Variants in SVIL observed in about 807,000 individuals in gnomAD.
SVIL encodes the protein supervillin, also known as archvillin.
In SVIL, 101 loss-of-function variants were observed where a neutral mutation model predicts 240.4. The observed-to-expected ratio is 0.42, with a 90% CI of 0.36 to 0.50. The LOEUF (loss-of-function observed/expected upper bound fraction) is 0.50. Among genes scored for constraint, SVIL ranks in the 20% least tolerant of loss-of-function variants. The pLI is 0.01. For synonymous variants in SVIL, 999 were observed against 1,100.0 expected (o/e 0.91, Z 1.82); for missense variants, 2,512 against 2,818.7 (o/e 0.89, Z 2.46).
At chr10:29,519,889 C>G (rs117653220) in intron 16 of SVIL, among the ~76,000 whole-genome samples, 6 of 152,204 alleles carry the variant, frequency 3.9e-5, no homozygotes, top group Non-Finnish European at 8.8e-5. Context: ...TCTGAATACA[C>G]TTCCGGGCTG....
At position 29,686,275 on chromosome 10, in the gene SVIL, C is replaced by T. The variant is rs780358378; in HGVS notation, c.-301+278G>A. Among the ~76,000 whole-genome samples, 3 of 152,148 alleles carry T rather than the reference C, an allele frequency of 2.0e-5. No homozygotes were observed. The East Asian group carries it at 5.8e-4, about 29-fold the overall frequency. ...ATAAATGTGAGGCTGTCACACAGAA[C>T]AAGCTGGGAATCAGGCCCAGGAACA... On this transcript the variant is annotated intron_variant, in intron 2 of 35. Coordinates refer to the SVIL transcript ENST00000375400.
In SVIL at chr10:29,480,570, C is replaced by T; in HGVS notation, c.5344G>A (p.Val1782Met). ...CTCACCATGAACTTCCACTTGACCA[C>T]ATAGGCATCCCCCTCATGGAACTGC... is the stretch of plus-strand genomic sequence containing the variant. ...IGQFHEGDAY[V>M]VKWKFMVSTA... The change falls in exon 29 of 38, where the codon GTG becomes ATG. Residue 1782 changes from valine to methionine, a missense_variant. Physicochemically the swap from Val to Met is conservative, Grantham distance 21 (BLOSUM62 1). Around this residue, in one of 3 missense-constraint regions of SVIL, gnomAD observed 797 missense variants for 925.3 expected, o/e 0.86. Transcript: ENST00000355867. 1 of 1,613,728 alleles carries T rather than the reference C, an allele frequency of 6.2e-7. No individual in the cohort carries two copies. Among genetic ancestry groups the T allele is most frequent in the Non-Finnish European group, 8.5e-7 (1 of 1,180,016 alleles).
chr10:29,721,473 C>T (rs1963977102), intron 1 of SVIL, among the ~76,000 whole-genome samples: 1 of 150,508 alleles, frequency 6.6e-6, no homozygotes, highest in African/African-American at 2.4e-5. Context: ...AAAAAAAAAG[C>T]ACTTTAAATA....
chr10:29,613,177 A>C (rs1239314146), intron 1 of SVIL, among the ~76,000 whole-genome samples: 2 of 151,128 alleles, frequency 1.3e-5, no homozygotes, highest in African/African-American at 4.9e-5. Context: ...CATCTCAAAA[A>C]AAAAAAAAAA....
At chr10:29,544,328 A>G (rs1214510744) in intron 6 of SVIL, among the ~76,000 whole-genome samples, 1 of 152,212 alleles carries the variant, frequency 6.6e-6, no homozygotes, top group Admixed American at 6.5e-5. Context: ...GCAGATAGGT[A>G]CAGGTACAAA....
At chr10:29,492,761 T>TA (rs1258596132) in intron 21 of SVIL, among the ~76,000 whole-genome samples, 1 of 152,212 alleles carries the variant, frequency 6.6e-6, no homozygotes, top group African/African-American at 2.4e-5. Context: ...GGAAGCTAAG[T>TA]AACATGCCTT....
At chr10:29,723,405 C>T (rs7100694) in intron 1 of SVIL, among the ~76,000 whole-genome samples, 122,587 of 152,182 alleles carry the variant, frequency 0.81, 49,891 homozygotes, top group East Asian at 0.95. Context: ...AAATGTATAA[C>T]TAAGCATCAC....
intron 7 of SVIL, among the ~76,000 whole-genome samples, chr10:29,535,259 CAG>C (rs34851885): frequency 0.35 from 52,464 of 151,682 alleles, 10,095 homozygotes; most frequent in Non-Finnish European, 0.44. Context: ...AGAGATGAGC[CAG>C]TGTTGGAGGT....
At chr10:29,648,828 A>C (rs1185354920) in intron 3 of SVIL, among the ~76,000 whole-genome samples, 1 of 151,690 alleles carries the variant, frequency 6.6e-6, no homozygotes, top group Non-Finnish European at 1.5e-5. Context: ...AAAAAAAAAA[A>C]GATTCTAAAA....
rs184712406 is a variant in SVIL, at chr10:29,516,566, G to T, written c.3390-3705C>A. Among the ~76,000 whole-genome samples, 407 of 152,268 alleles carry T rather than the reference G, an allele frequency of 2.7e-3. 4 individuals are homozygous for T. The highest frequency in any genetic ancestry group is 9.1e-3 in the African/African-American group (380 of 41,562). On this transcript the variant is annotated intron_variant, in intron 16 of 37. Transcript: ENST00000355867. The stretch of plus-strand genomic sequence containing the variant: ...TCGAGGAGCCGACGTCTGGGCCTAC[G>T]CAGGACATAAATTCCTGCCGGTGCA...
chr10:29,554,598 C>T (rs999904724), intron 5 of SVIL, among the ~76,000 whole-genome samples, 185 bp downstream of exon 5: 4 of 152,206 alleles, frequency 2.6e-5, no homozygotes, highest in South Asian at 2.1e-4. Flanking sequence ...AAGGCTGCAG[C>T]GAGCTATGAT....
At chr10:29,487,105 C>G in intron 24 of SVIL, 58 bp downstream of exon 24, 1 of 1,584,980 alleles carries the variant, frequency 6.3e-7, no homozygotes, top group South Asian at 1.1e-5. Context: ...AGGAAGAACA[C>G]TCCTCCGGTG....
At chr10:29,480,362 CCTTA>C (rs1236998521) in intron 29 of SVIL, among the ~76,000 whole-genome samples, 171 bp downstream of exon 29, 1 of 152,146 alleles carries the variant, frequency 6.6e-6, no homozygotes, top group Non-Finnish European at 1.5e-5. Flanking sequence ...AGGAATTCGG[CCTTA>C]CTTCTTTTCA....
intron 9 of SVIL, 91 bp downstream of exon 9, chr10:29,531,911 T>C (rs910656576): frequency 7.1e-6 from 10 of 1,403,174 alleles, no homozygotes; most frequent in African/African-American, 1.4e-5. Flanking sequence ...GCCAACATCC[T>C]ATATAAATAG....
At chr10:29,529,933 G>A in intron 11 of SVIL, 89 bp from the exon 12 acceptor site, 2 of 1,346,646 alleles carry the variant, frequency 1.5e-6, no homozygotes, top group South Asian at 1.5e-5. Context: ...CACTTTGGGA[G>A]GCTAAGGAGG....
At chr10:29,579,727 G>A (rs1482623548) in intron 1 of SVIL, among the ~76,000 whole-genome samples, 2 of 152,110 alleles carry the variant, frequency 1.3e-5, no homozygotes, top group South Asian at 2.1e-4. Flanking sequence ...CTGCAACGCT[G>A]TCCTTTGAGG....
intron 18 of SVIL, 54 bp downstream of exon 18, chr10:29,499,062 G>A: frequency 6.3e-7 from 1 of 1,590,736 alleles, no homozygotes; most frequent in South Asian, 1.1e-5. Flanking sequence ...GGGTAAGTGT[G>A]CTCACGTGTG....
upstream of SVIL, among the ~76,000 whole-genome samples, chr10:29,639,852 C>A (rs943340924): frequency 7.9e-5 from 12 of 152,152 alleles, no homozygotes; most frequent in Non-Finnish European, 1.8e-4. Context: ...TTTCAGGGCC[C>A]TTTATCTTCT....
In SVIL at chr10:29,508,170, A is replaced by G. The variant is rs1026766887; in HGVS notation, c.3516+4565T>C. The G allele has an allele frequency of 1.8e-5, 6 of 338,528 alleles. No homozygotes were observed. The Middle Eastern group carries it at 1.7e-3, about 98-fold the overall frequency. 21.0% of individuals were successfully genotyped at this position (338,528 alleles called of 1,614,324 possible). A position where few individuals can be genotyped will look rare whatever the true frequency, so the allele number is the denominator to read the frequency against. ...TATCTTCATTACATGATTAAAAAATAGTTTAAGGGCACGGGCTCAGCTCTC... is the reference window on the plus strand; with the variant it reads ...TATCTTCATTACATGATTAAAAAATGGTTTAAGGGCACGGGCTCAGCTCTC... On this transcript the variant is annotated intron_variant, in intron 17 of 37. Transcript: ENST00000355867.
Sources: allele counts gnomAD v4.1 joint callset (sites outside exome capture counted in the v4.1 genomes callset), GRCh38; gene constraint gnomAD v4.1.1; regional missense constraint gnomAD v4.1.1; transcripts MANE v1.5; gene names NCBI Gene and HGNC (gene_info 2026-07-23, HGNC 2026-07-21).